The following ALG14 variants were observed in gnomAD, a reference collection of about 807,000 sequenced individuals.
ALG14 encodes ALG14 UDP-N-acetylglucosaminyltransferase subunit.
ALG14 carries 17 observed loss-of-function variants against 22.8 expected under a neutral mutation model. The ratio of observed to expected loss-of-function variants is 0.75; its 90% CI spans 0.51 to 1.12. The LOEUF is 1.12. Ranked by LOEUF, ALG14 falls within the 50% of genes most tolerant of loss-of-function variation. The pLI is 0.00. For synonymous variants in ALG14, 89 were observed against 103.7 expected, an observed-to-expected ratio of 0.86 and a Z score of 0.86; for missense variants, 288 against 271.8, an observed-to-expected ratio of 1.06 and a Z score of -0.42.
At chr1:95,049,104 T>C (rs1465006047) in intron 2 of ALG14, among the ~76,000 whole-genome samples, 2 of 152,210 alleles carry the variant, frequency 1.3e-5, no homozygotes, top group African/African-American at 2.4e-5. Context: ...AATAAAATTA[T>C]ACTAGTTTAA....
chr1:95,047,970 T>C (rs1361884462), intron 2 of ALG14, among the ~76,000 whole-genome samples: 2 of 152,144 alleles, frequency 1.3e-5, no homozygotes, highest in African/African-American at 4.8e-5. Context: ...AGCAAGATCC[T>C]GACTCTTTAA....
chr1:95,057,055 CAAAAAA>C (rs199574536), intron 2 of ALG14, among the ~76,000 whole-genome samples: 1 of 100,676 alleles, frequency 9.9e-6, no homozygotes. Context: ...GATTCTGGCT[CAAAAAA>C]AAAAAAAAAA....
At chr1:95,010,774 G>A (rs1225131767) in intron 3 of ALG14, among the ~76,000 whole-genome samples, 1 of 152,076 alleles carries the variant, frequency 6.6e-6, no homozygotes, top group Non-Finnish European at 1.5e-5. Context: ...CCACAAAAAT[G>A]AATTAGTTCC....
intron 1 of ALG14, among the ~76,000 whole-genome samples, chr1:95,068,232 A>G (rs1675441586): frequency 6.6e-6 from 1 of 152,238 alleles, no homozygotes. Context: ...CATTTGCCTA[A>G]GAAGGCTGTA....
At position 95,016,664 on chromosome 1, in the gene ALG14, T is replaced by G. The variant is rs187421211; in HGVS notation, c.420+10465A>C. Among the ~76,000 whole-genome samples, 484 of 152,248 alleles carry G rather than the reference T, an allele frequency of 3.2e-3. 1 individual carries two copies. The highest frequency in any genetic ancestry group is 0.011 in the African/African-American group (467 of 41,554). ...GACAGCAGGTTTATCTCACAACTGTTTGCAATAAGCCCACTGCCTTCATTT... is the reference window on the plus strand; with the variant it reads ...GACAGCAGGTTTATCTCACAACTGTGTGCAATAAGCCCACTGCCTTCATTT... On this transcript the variant is annotated intron_variant, in intron 3 of 3. Transcript: ENST00000370205.
intron 3 of ALG14, among the ~76,000 whole-genome samples, chr1:95,007,724 A>G (rs1673257283): frequency 6.6e-6 from 1 of 152,234 alleles, no homozygotes; most frequent in Admixed American, 6.5e-5. Flanking sequence ...ACTTATGGAA[A>G]CTATAGCAGA....
intron 2 of ALG14, among the ~76,000 whole-genome samples, chr1:95,049,168 C>T (rs1427762364): frequency 6.6e-6 from 1 of 151,646 alleles, no homozygotes. Context: ...AGGTAAATAC[C>T]AACATTAATT....
chr1:95,039,852 C>T (rs943561897), intron 2 of ALG14, among the ~76,000 whole-genome samples: 6 of 152,044 alleles, frequency 3.9e-5, no homozygotes, highest in Admixed American at 6.6e-5. Context: ...CCTCGCTTGA[C>T]GTTGACAAGT....
intron 2 of ALG14, among the ~76,000 whole-genome samples, chr1:95,032,286 G>A (rs1674034183): frequency 6.6e-6 from 1 of 151,954 alleles, no homozygotes; most frequent in Non-Finnish European, 1.5e-5. Context: ...ATATAGAAAG[G>A]ACACAAGGGG....
intron 2 of ALG14, among the ~76,000 whole-genome samples, chr1:95,060,157 C>T (rs1377240179): frequency 6.6e-6 from 1 of 151,076 alleles, no homozygotes; most frequent in Non-Finnish European, 1.5e-5. Flanking sequence ...CACACACACA[C>T]ACACACACAC....
intron 3 of ALG14, among the ~76,000 whole-genome samples, chr1:95,010,578 C>A (rs1178211969): frequency 2.0e-5 from 3 of 152,056 alleles, no homozygotes; most frequent in East Asian, 1.9e-4. Context: ...AAAGATAAAA[C>A]CTCACTTTGG....
intron 2 of ALG14, among the ~76,000 whole-genome samples, chr1:95,040,456 A>C (rs1046466582): frequency 6.6e-6 from 1 of 152,208 alleles, no homozygotes; most frequent in Non-Finnish European, 1.5e-5. Context: ...CTGCTTGGTC[A>C]AACCTGACTA....
chr1:95,043,004 T>C (rs1254785815), intron 2 of ALG14, among the ~76,000 whole-genome samples: 1 of 152,192 alleles, frequency 6.6e-6, no homozygotes. Flanking sequence ...GATCTTCCAA[T>C]CTTTCATTGA....
intron 2 of ALG14, among the ~76,000 whole-genome samples, chr1:95,048,304 A>G (rs978737546): frequency 6.6e-6 from 1 of 152,220 alleles, no homozygotes; most frequent in Non-Finnish European, 1.5e-5. Flanking sequence ...TGTTTTATAT[A>G]TGAAAAACTC....
Position 94,979,209 on chromosome 1 carries a change from A to C in ALG14, c.*3867T>G, listed in dbSNP as rs1395918725. The C allele has an allele frequency of 6.9e-6, 1 of 144,490 alleles. No individual in the cohort carries two copies. Among genetic ancestry groups the C allele is most frequent in the Non-Finnish European group, 1.5e-5 (1 of 66,488 alleles). 9.0% of individuals were successfully genotyped at this position (144,490 alleles called of 1,614,324 possible). A position where few individuals can be genotyped will look rare whatever the true frequency, so the allele number is the denominator to read the frequency against. ...TGAGGCACAAGAATCGCTTGAAGCC[A>C]GGAGGCAGAGGTTACAGTGAGCCAG... is the stretch of plus-strand genomic sequence containing the variant. On this transcript the variant is annotated 3_prime_UTR_variant, in exon 4 of 4. Transcript: ENST00000370205.
intron 3 of ALG14, 133 bp from the exon 4 acceptor site, chr1:94,983,439 G>T: frequency 1.3e-6 from 1 of 754,932 alleles, no homozygotes; most frequent in Non-Finnish European, 2.1e-6. Flanking sequence ...TCAAGAACCA[G>T]GATGCAGCAA....
chr1:94,994,694 C>G (rs887085537), intron 3 of ALG14, among the ~76,000 whole-genome samples: 2 of 152,180 alleles, frequency 1.3e-5, no homozygotes, highest in Non-Finnish European at 2.9e-5. Context: ...CTCCTCTCTA[C>G]CATACTGGCC....
rs940457712 is a variant in ALG14 at position 94,977,131 on chromosome 1, T to A, written c.*5945A>T. 2 of 152,224 alleles carry A rather than the reference T, an allele frequency of 1.3e-5. No individual in the cohort carries two copies. The highest frequency in any genetic ancestry group is 4.8e-5 in the African/African-American group (2 of 41,448). 9.4% of individuals were successfully genotyped at this position (152,224 alleles called of 1,614,324 possible). Reference sequence around the variant, plus strand: ...TAATGTATTGTTTTAAGCCAATATATGTGTGGCAATTTTTTACACAGCGAT... The same window carrying A: ...TAATGTATTGTTTTAAGCCAATATAAGTGTGGCAATTTTTTACACAGCGAT... On this transcript the variant is annotated 3_prime_UTR_variant, in exon 4 of 4. Transcript: ENST00000370205.
intron 3 of ALG14, among the ~76,000 whole-genome samples, chr1:94,991,595 T>TG (rs1672774051): frequency 6.6e-6 from 1 of 152,150 alleles, no homozygotes; most frequent in Admixed American, 6.5e-5. Flanking sequence ...TTGCTCTAGG[T>TG]GAGTCAGTGA....
Sources: allele counts gnomAD v4.1 joint callset (sites outside exome capture counted in the v4.1 genomes callset), GRCh38; gene constraint gnomAD v4.1.1; transcripts MANE v1.5; gene names NCBI Gene and HGNC (gene_info 2026-07-23, HGNC 2026-07-21).